RUBCNL: variants seen among roughly 807,000 people sequenced by gnomAD.
RUBCNL encodes the protein protein associated with UVRAG as autophagy enhancer.
A neutral mutation model predicts 69.5 loss-of-function variants in RUBCNL; 62 were observed. The observed-to-expected ratio is 0.89, with a 90% CI of 0.73 to 1.10. The LOEUF is 1.10. RUBCNL is among the 50% of genes least tolerant of loss of function. RUBCNL has a pLI of 0.00. For missense variants in RUBCNL, 768 were observed against 798.1 expected, an observed-to-expected ratio of 0.96 and a Z score of 0.45; for synonymous variants, 291 against 303.6, an observed-to-expected ratio of 0.96 and a Z score of 0.43.
At chr13:46,369,532 T>C (rs559736747) in intron 3 of RUBCNL, among the ~76,000 whole-genome samples, 13 of 152,234 alleles carry the variant, frequency 8.5e-5, no homozygotes, top group African/African-American at 2.9e-4. Context: ...ACCTCCTGTC[T>C]AGAGAAATAA....
At chr13:46,388,199 C>CAAAAAAA (rs71074779), upstream of RUBCNL, among the ~76,000 whole-genome samples, 3 of 68,192 alleles carry the variant, frequency 4.4e-5, no homozygotes, top group Non-Finnish European at 7.4e-5. Flanking sequence ...GCAAGACTGT[C>CAAAAAAA]AAAAAAAAAA....
rs936748974 is a variant in RUBCNL at position 46,341,814 on chromosome 13, T to A, written c.*1571A>T. On this transcript the variant is annotated 3_prime_UTR_variant, in exon 15 of 15. Coordinates refer to ENST00000429979, the MANE Select transcript of RUBCNL (RefSeq NM_025113.5). The stretch of plus-strand genomic sequence containing the variant: ...GGCTTTGGAGGCAGGTGGACTTGAA[T>A]GTCAACCCCAGCTCCATCATGCACT... Among the ~76,000 whole-genome samples the A allele has an allele frequency of 3.3e-5, 5 of 152,250 alleles. No homozygotes were observed. Among genetic ancestry groups the A allele is most frequent in the Admixed American group, 2.0e-4 (3 of 15,286 alleles).
chr13:46,349,437 T>C lies in RUBCNL; in HGVS notation c.1570-90A>G. The C allele has an allele frequency of 2.4e-6, 3 of 1,254,408 alleles. 1 individual carries two copies. The highest frequency in any genetic ancestry group is 2.5e-5 in the South Asian group (2 of 80,584). 77.7% of individuals were successfully genotyped at this position (1,254,408 alleles called of 1,614,324 possible). On this transcript the variant is annotated intron_variant, in intron 11 of 14. Coordinates refer to ENST00000429979, the MANE Select transcript of RUBCNL (RefSeq NM_025113.5). ...TCAAATTTAAATGTTATTTCTAAGCTTGAAATGCTGCACTTGTATAAAACA... is the reference window on the plus strand; with the variant it reads ...TCAAATTTAAATGTTATTTCTAAGCCTGAAATGCTGCACTTGTATAAAACA...
intron 5 of RUBCNL, 59 bp from the exon 6 acceptor site, chr13:46,363,272 C>T (rs997787437): frequency 2.6e-6 from 2 of 773,048 alleles, no homozygotes; most frequent in Non-Finnish European, 2.0e-6. Flanking sequence ...AACTGTACAA[C>T]CTGCAACACC....
chr13:46,356,335 T>G (rs968459210), intron 10 of RUBCNL, 97 bp downstream of exon 10: 7 of 1,182,984 alleles, frequency 5.9e-6, no homozygotes, highest in South Asian at 5.6e-5. Context: ...CAACTTCTCA[T>G]CAAAGGCATC....
At position 46,338,658 on chromosome 13, in the gene RUBCNL, A is replaced by T. The variant is rs1025585751; in HGVS notation, c.*4727T>A. ...GGGCAGTCCTGATCCCAGGCAAGGGATGCAAGAAGAACAAGACCATGGAGG... is the reference window on the plus strand; with the variant it reads ...GGGCAGTCCTGATCCCAGGCAAGGGTTGCAAGAAGAACAAGACCATGGAGG... On this transcript the variant is annotated 3_prime_UTR_variant, in exon 15 of 15. Coordinates refer to ENST00000429979, the MANE Select transcript of RUBCNL (RefSeq NM_025113.5). 6.6e-6 allele frequency among the ~76,000 whole-genome samples: 1 copy of T among 152,100 alleles called. No homozygotes were observed. Among genetic ancestry groups the T allele is most frequent in the African/African-American group, 2.4e-5 (1 of 41,416 alleles).
chr13:46,377,679 TA>T (rs1228326665), intron 2 of RUBCNL, among the ~76,000 whole-genome samples: 1 of 152,222 alleles, frequency 6.6e-6, no homozygotes, highest in Non-Finnish European at 1.5e-5. Flanking sequence ...AACGTCCTCA[TA>T]AAAAACAACC....
rs1265358712 is a variant in RUBCNL, at chr13:46,336,560, A to G, written c.*6825T>C. Among the ~76,000 whole-genome samples the G allele has an allele frequency of 6.8e-6, 1 of 146,950 alleles. No homozygotes were observed. The highest frequency in any genetic ancestry group is 1.5e-5 in the Non-Finnish European group (1 of 65,550). On this transcript the variant is annotated 3_prime_UTR_variant, in exon 15 of 15. Coordinates refer to ENST00000429979, the MANE Select transcript of RUBCNL (RefSeq NM_025113.5). Reference sequence around the variant, plus strand: ...TTATAGTCTAGCTTTTCTTAGCTAGACTTTTTTATTTTATTATATTTTATT... The same window carrying G: ...TTATAGTCTAGCTTTTCTTAGCTAGGCTTTTTTATTTTATTATATTTTATT...
rs1279497357 is a variant in RUBCNL, at chr13:46,361,585, G to A, written c.987-12C>T. ...GCTCATAAGTGACACTGAAATGTAA[G>A]AGATGCAAATACTGGAAAACTATAT... On this transcript the variant is annotated splice_polypyrimidine_tract_variant and intron_variant, in intron 7 of 14. Coordinates refer to ENST00000429979, the MANE Select transcript of RUBCNL (RefSeq NM_025113.5). The A allele has an allele frequency of 1.9e-6, 3 of 1,583,094 alleles. No individual in the cohort carries two copies. The highest frequency in any genetic ancestry group is 3.7e-5 in the Admixed American group (2 of 54,340).
chr13:46,369,975 C>T (rs61948083), intron 3 of RUBCNL, among the ~76,000 whole-genome samples: 14,037 of 152,258 alleles, frequency 0.092, 874 homozygotes, highest in Non-Finnish European at 0.14. Flanking sequence ...ATCTGAGAGC[C>T]ATACAGTATC....
At chr13:46,362,675 C>T in intron 6 of RUBCNL, 77 bp from the exon 7 acceptor site, 1 of 964,352 alleles carries the variant, frequency 1.0e-6, no homozygotes, top group East Asian at 2.6e-5. Flanking sequence ...TATAAGAACA[C>T]TAAAATCACT....
chr13:46,364,161 T>C (rs564957327), intron 5 of RUBCNL, among the ~76,000 whole-genome samples: 92 of 152,068 alleles, frequency 6.0e-4, no homozygotes, highest in Non-Finnish European at 1.1e-3. Context: ...TTTGGGAGGC[T>C]GAGGCAGGCG....
chr13:46,385,566 C>T (rs2049220282), intron 1 of RUBCNL, among the ~76,000 whole-genome samples: 1 of 151,124 alleles, frequency 6.6e-6, no homozygotes, highest in African/African-American at 2.4e-5. Context: ...TCAAATTTGC[C>T]AGTGCTATTA....
At chr13:46,389,582 TC>T (rs1299182458), upstream of RUBCNL, among the ~76,000 whole-genome samples, 3 of 152,180 alleles carry the variant, frequency 2.0e-5, no homozygotes, top group Non-Finnish European at 4.4e-5. This position sits in a 1 kb window ranked among gnomAD's most constrained non-coding sequence, Gnocchi z 4.2. Context: ...GCTTTAGTCA[TC>T]CCCTCTGAAG....
intron 10 of RUBCNL, among the ~76,000 whole-genome samples, chr13:46,351,590 A>G (rs1272541075): frequency 6.6e-6 from 1 of 152,200 alleles, no homozygotes; most frequent in Non-Finnish European, 1.5e-5. Flanking sequence ...TCAAAAGGCA[A>G]TTGGTTAAAT....
At position 46,342,383 on chromosome 13, in the gene RUBCNL, A is replaced by T. The variant is rs766296003; in HGVS notation, c.*1002T>A. 3 of 152,236 alleles carry T rather than the reference A, an allele frequency of 2.0e-5. No homozygotes were observed. Among genetic ancestry groups the T allele is most frequent in the Non-Finnish European group, 2.9e-5 (2 of 68,044 alleles). The allele number at this position is 152,236 out of a possible 1,614,324, so 9.4% of individuals were successfully genotyped here. A position where few individuals can be genotyped will look rare whatever the true frequency, so the allele number is the denominator to read the frequency against. On this transcript the variant is annotated 3_prime_UTR_variant, in exon 15 of 15. Transcript: ENST00000429979. The stretch of plus-strand genomic sequence containing the variant: ...CAGTCTAAAGGTATACCATGAAGGG[A>T]CCCAGCCTCAAGGCCCCTTTCTCAA...
chr13:46,347,773 C>A (rs1181870542), intron 12 of RUBCNL, among the ~76,000 whole-genome samples: 1 of 152,106 alleles, frequency 6.6e-6, no homozygotes, highest in Non-Finnish European at 1.5e-5. Flanking sequence ...GGGCAGATCA[C>A]GAGGTCAGGA....
At position 46,363,165 on chromosome 13, in the gene RUBCNL, T is replaced by C. The variant is rs747137474; in HGVS notation, c.875A>G (p.His292Arg). The C allele has an allele frequency of 3.7e-6, 6 of 1,602,288 alleles. No individual in the cohort carries two copies. The African/African-American group carries it at 5.4e-5, about 14-fold the overall frequency. The change falls in exon 6 of 15, where the codon CAT (histidine) becomes CGT (arginine). Residue 292 changes from histidine (H) to arginine (R), a missense_variant. Coordinates refer to ENST00000429979, the MANE Select transcript of RUBCNL (RefSeq NM_025113.5). ...GCATTTGCAAATCTCTTTCACATCA[T>C]GGTAAGTACGTGTTTCAGTCACTGG... is the stretch of plus-strand genomic sequence containing the variant. ...VSPVTETRTY[H>R]DVKEICKCDV...
At chr13:46,373,333 G>A (rs1259399980) in intron 2 of RUBCNL, among the ~76,000 whole-genome samples, 1 of 152,188 alleles carries the variant, frequency 6.6e-6, no homozygotes, top group East Asian at 1.9e-4. Flanking sequence ...AGTAGGCAAA[G>A]TGGTACATAA....
Sources: gnomAD v4.1 joint callset for allele counts (sites outside exome capture counted in the v4.1 genomes callset) on GRCh38, gnomAD v4.1.1 for gene constraint, Gnocchi (gnomAD v3.1) non-coding constraint, MANE v1.5 for transcripts, NCBI Gene and HGNC (gene_info 2026-07-23, HGNC 2026-07-21) for gene names.